CORO1C: variants seen among roughly 807,000 people sequenced by gnomAD.
The protein encoded by CORO1C is coronin 1C.
Under a neutral mutation model 51.2 loss-of-function variants are expected in CORO1C, and 14 were observed. The observed-to-expected ratio is 0.27, with a 90% CI of 0.18 to 0.43. CORO1C has a LOEUF of 0.43. Among genes scored for constraint, CORO1C ranks in the 20% least tolerant of loss-of-function variants. CORO1C has a pLI of 1.00. For missense variants in CORO1C, 417 were observed against 607.8 expected, an observed-to-expected ratio of 0.69 and a Z score of 3.30; for synonymous variants, 181 against 210.5, an observed-to-expected ratio of 0.86 and a Z score of 1.21.
At chr12:108,688,466 A>G (rs986268042) in intron 2 of CORO1C, among the ~76,000 whole-genome samples, 2 of 152,340 alleles carry the variant, frequency 1.3e-5, no homozygotes, top group African/African-American at 2.4e-5. Flanking sequence ...GAAATTCAAC[A>G]TTGGGAATTT....
chr12:108,687,442 G>A (rs376036155), intron 2 of CORO1C, among the ~76,000 whole-genome samples: 4 of 151,882 alleles, frequency 2.6e-5, no homozygotes, highest in South Asian at 2.1e-4. Flanking sequence ...AACTATGATC[G>A]CGCCACTGCA....
At chr12:108,727,930 T>C (rs1180397520) in intron 1 of CORO1C, among the ~76,000 whole-genome samples, 3 of 152,178 alleles carry the variant, frequency 2.0e-5, no homozygotes, top group South Asian at 2.1e-4. Flanking sequence ...GGCAGAGCAT[T>C]TGAATGGACA....
intron 2 of CORO1C, among the ~76,000 whole-genome samples, chr12:108,679,658 G>C (rs1007136781): frequency 6.6e-6 from 1 of 152,156 alleles, no homozygotes; most frequent in Non-Finnish European, 1.5e-5. Flanking sequence ...AATTTTTCAA[G>C]AACAGAAATT....
At position 108,662,046 on chromosome 12, in the gene CORO1C, T is replaced by C. The variant is rs141302762; in HGVS notation, c.431A>G (p.Asn144Ser). The C allele has an allele frequency of 1.5e-4, 238 of 1,614,114 alleles. No homozygotes were observed. Among genetic ancestry groups the C allele is most frequent in the African/African-American group, 1.2e-3 (89 of 75,026 alleles). ...GCTCCCACCTGCACTAAGAAGCACA[T>C]TGCGGGCCGTTGGATGCCAAGCCAC... ...GIVAWHPTAR[N>S]VLLSAGCDNA... The change falls in exon 4 of 11, where the codon AAT (asparagine) becomes AGT (serine). Residue 144 changes from asparagine to serine, a missense_variant. Physicochemically the swap from Asn to Ser is conservative, Grantham distance 46. Coordinates refer to ENST00000261401, the MANE Select transcript of CORO1C (RefSeq NM_014325.4).
intron 2 of CORO1C, among the ~76,000 whole-genome samples, chr12:108,693,965 CT>C (rs1396407032): frequency 6.6e-6 from 1 of 152,208 alleles, no homozygotes; most frequent in East Asian, 1.9e-4. Context: ...AAGCACCCCC[CT>C]GGAGAGATCA....
intron 1 of CORO1C, among the ~76,000 whole-genome samples, chr12:108,716,158 A>T (rs964708917): frequency 1.9e-4 from 24 of 128,136 alleles, no homozygotes; most frequent in Non-Finnish European, 3.2e-4. Flanking sequence ...AAAAAAAAAA[A>T]TCCTTGAATA....
intron 4 of CORO1C, 105 bp from the exon 5 acceptor site, chr12:108,659,024 GAGAGAGAGAGAA>G (rs1324100864): frequency 3.5e-6 from 4 of 1,130,196 alleles, no homozygotes; most frequent in African/African-American, 3.1e-5. Flanking sequence ...TATGCAGAGA[GAGAGAGAGAGAA>G]AGAGAGAGAG....
intron 7 of CORO1C, among the ~76,000 whole-genome samples, chr12:108,653,442 G>A (rs2032772786): frequency 1.3e-5 from 2 of 152,160 alleles, no homozygotes; most frequent in Admixed American, 1.3e-4. Context: ...TGCTCAATCA[G>A]CTATGAAAAG....
At chr12:108,702,824 C>G in intron 1 of CORO1C, 5 of 1,532,702 alleles carry the variant, frequency 3.3e-6, no homozygotes, top group Non-Finnish European at 4.4e-6. Context: ...AAAGTGGCCT[C>G]TCTCCAATGC....
At chr12:108,650,180 CTT>C (rs1057367204) in intron 8 of CORO1C, among the ~76,000 whole-genome samples, 86 of 80,438 alleles carry the variant, frequency 1.1e-3, no homozygotes, top group African/African-American at 3.0e-3. Context: ...AACCAAAAAC[CTT>C]TTTTTTTTTT....
chr12:108,694,748 C>T (rs1271006774), intron 2 of CORO1C, among the ~76,000 whole-genome samples: 3 of 151,876 alleles, frequency 2.0e-5, no homozygotes. Context: ...TCACTTAGGA[C>T]TTAAGAATGT....
Position 108,729,002 on chromosome 12 carries a change from GACCA to G in CORO1C, c.-6+2423_-6+2426del, listed in dbSNP as rs1395605476. ...TGGAAAAGAGGTCAAAGGTAAAACA[GACCA>G]ATTAATAATATGTTTCTAAAGTACC... On this transcript the variant is annotated intron_variant, in intron 1 of 10. Transcript: ENST00000261401. Among the ~76,000 whole-genome samples, 3 of 152,098 alleles carry G rather than the reference GACCA, an allele frequency of 2.0e-5. No homozygotes were observed. The East Asian group carries it at 5.8e-4, about 29-fold the overall frequency.
intron 3 of CORO1C, among the ~76,000 whole-genome samples, chr12:108,671,469 A>C (rs2033718363): frequency 2.0e-5 from 3 of 151,984 alleles, no homozygotes; most frequent in Admixed American, 6.5e-5. Flanking sequence ...GAACAGGAAA[A>C]AAAAAATTAA....
chr12:108,723,335 A>G (rs1156882636), intron 1 of CORO1C, among the ~76,000 whole-genome samples: 2 of 152,238 alleles, frequency 1.3e-5, no homozygotes, highest in African/African-American at 4.8e-5. Context: ...TTTAACTAGG[A>G]AAGAATGCTT....
chr12:108,680,720 C>A (rs529623209), intron 2 of CORO1C, among the ~76,000 whole-genome samples: 1 of 152,122 alleles, frequency 6.6e-6, no homozygotes, highest in Non-Finnish European at 1.5e-5. Flanking sequence ...TAAACATTAC[C>A]CGAAATTTAA....
At chr12:108,726,962 G>C (rs2035608144) in intron 1 of CORO1C, among the ~76,000 whole-genome samples, 1 of 152,228 alleles carries the variant, frequency 6.6e-6, no homozygotes, top group Non-Finnish European at 1.5e-5. Flanking sequence ...TTGGATGCCA[G>C]AAGGGCAAAA....
At chr12:108,657,876 C>G (rs950224630) in intron 5 of CORO1C, among the ~76,000 whole-genome samples, 2 of 152,182 alleles carry the variant, frequency 1.3e-5, no homozygotes, top group Admixed American at 1.3e-4. Flanking sequence ...CTAGGACAAC[C>G]CTTAGAAGAT....
intron 1 of CORO1C, among the ~76,000 whole-genome samples, chr12:108,707,223 G>A (rs2136871818): frequency 6.6e-6 from 1 of 152,258 alleles, no homozygotes; most frequent in East Asian, 1.9e-4. Context: ...ATACCCAAAT[G>A]ACCCTGGGGA....
At chr12:108,715,714 A>C (rs1452925035) in intron 1 of CORO1C, among the ~76,000 whole-genome samples, 4 of 141,092 alleles carry the variant, frequency 2.8e-5, no homozygotes, top group African/African-American at 1.1e-4. Context: ...CCAGACTCAG[A>C]AGCTTAATTC....
Sources: gnomAD v4.1 joint callset for allele counts (sites outside exome capture counted in the v4.1 genomes callset) on GRCh38, gnomAD v4.1.1 for gene constraint, MANE v1.5 for transcripts, NCBI Gene and HGNC (gene_info 2026-07-23, HGNC 2026-07-21) for gene names.